The following HS3ST4 variants were observed in gnomAD, a reference collection of about 807,000 sequenced individuals.
The protein encoded by HS3ST4 is heparan sulfate-glucosamine 3-sulfotransferase 4, also known as heparan sulfate glucosamine 3-O-sulfotransferase 4.
A neutral mutation model predicts 29.2 loss-of-function variants in HS3ST4; 17 were observed. That is an observed-to-expected ratio of 0.58 (90% confidence interval 0.40 to 0.87). The LOEUF (loss-of-function observed/expected upper bound fraction) is 0.87. Ranked by LOEUF, HS3ST4 falls within the 40% of genes least tolerant of loss-of-function variation. The pLI, the probability that HS3ST4 is intolerant of heterozygous loss-of-function variation, is 0.00. For synonymous variants in HS3ST4, 314 were observed against 285.7 expected, an observed-to-expected ratio of 1.10 and a Z score of -1.00; for missense variants, 627 against 634.5, an observed-to-expected ratio of 0.99 and a Z score of 0.13.
intron 1 of HS3ST4, among the ~76,000 whole-genome samples, chr16:25,746,052 G>T (rs1462011446): frequency 6.6e-6 from 1 of 152,126 alleles, no homozygotes; most frequent in Non-Finnish European, 1.5e-5. Flanking sequence ...TTCTCCCATT[G>T]TGCATCAAGT....
At chr16:26,013,136 C>A (rs979274432) in intron 1 of HS3ST4, among the ~76,000 whole-genome samples, 3 of 152,042 alleles carry the variant, frequency 2.0e-5, no homozygotes, top group Admixed American at 6.6e-5. Context: ...TGTACTCTAG[C>A]CTGGTGACAG....
intron 1 of HS3ST4, among the ~76,000 whole-genome samples, chr16:25,987,149 G>A (rs1268543228): frequency 6.6e-6 from 1 of 151,918 alleles, no homozygotes; most frequent in African/African-American, 2.4e-5. Context: ...TCGGGAGTTC[G>A]AAACCAGCCT....
intron 1 of HS3ST4, among the ~76,000 whole-genome samples, chr16:25,900,876 AG>A (rs2141673264): frequency 6.6e-6 from 1 of 152,272 alleles, no homozygotes; most frequent in East Asian, 1.9e-4. Flanking sequence ...ATTTTAATGT[AG>A]TCCTAGATTA....
At chr16:25,747,498 A>G (rs1275108857) in intron 1 of HS3ST4, among the ~76,000 whole-genome samples, 1 of 152,218 alleles carries the variant, frequency 6.6e-6, no homozygotes, top group African/African-American at 2.4e-5. Flanking sequence ...TTCAGAACCA[A>G]GAAGTAACAG....
intron 1 of HS3ST4, among the ~76,000 whole-genome samples, chr16:25,952,175 CAT>C (rs1432918583): frequency 6.6e-6 from 1 of 152,118 alleles, no homozygotes; most frequent in East Asian, 1.9e-4. Context: ...CAGCATGAGT[CAT>C]AAAGCTGGAA....
intron 1 of HS3ST4, among the ~76,000 whole-genome samples, chr16:25,759,546 C>T (rs953865628): frequency 2.0e-5 from 3 of 152,098 alleles, no homozygotes; most frequent in Admixed American, 2.0e-4. Flanking sequence ...TTGACCCCAT[C>T]AGGAGGTCCG....
chr16:25,791,830 A>AG, intron 1 of HS3ST4, among the ~76,000 whole-genome samples: 1 of 152,044 alleles, frequency 6.6e-6, no homozygotes, highest in East Asian at 1.9e-4. Flanking sequence ...AATGACAGTT[A>AG]TACTTTTTCC....
chr16:25,870,924 T>C (rs996220631), intron 1 of HS3ST4, among the ~76,000 whole-genome samples: 8 of 152,134 alleles, frequency 5.3e-5, no homozygotes, highest in Non-Finnish European at 1.2e-4. Context: ...TTCCAATCTA[T>C]CCTGATCCAC....
At chr16:26,120,907 T>A (rs1296000281) in intron 1 of HS3ST4, among the ~76,000 whole-genome samples, 1 of 152,206 alleles carries the variant, frequency 6.6e-6, no homozygotes, top group Non-Finnish European at 1.5e-5. Context: ...TCTCTGAGAA[T>A]ACACAATGAA....
intron 1 of HS3ST4, among the ~76,000 whole-genome samples, chr16:25,983,920 C>T (rs370586961): frequency 1.3e-5 from 2 of 151,490 alleles, no homozygotes; most frequent in African/African-American, 4.9e-5. Flanking sequence ...GTGTGTGTGT[C>T]TATTTCAGTT....
chr16:25,928,248 C>A (rs1380486145), intron 1 of HS3ST4, among the ~76,000 whole-genome samples: 1 of 151,284 alleles, frequency 6.6e-6, no homozygotes, highest in East Asian at 1.9e-4. Context: ...GCCTGTAGTT[C>A]CAGCTACTTG....
chr16:26,089,581 A>G (rs1898829161), intron 1 of HS3ST4, among the ~76,000 whole-genome samples: 1 of 152,238 alleles, frequency 6.6e-6, no homozygotes, highest in South Asian at 2.1e-4. Context: ...TCTTCATGCC[A>G]GGATTTGCTC....
chr16:25,852,412 A>C (rs1232579566), intron 1 of HS3ST4, among the ~76,000 whole-genome samples: 1 of 152,128 alleles, frequency 6.6e-6, no homozygotes, highest in Admixed American at 6.6e-5. Flanking sequence ...TCACCTAGGT[A>C]TTAAGTCCAG....
At chr16:25,901,480 G>A (rs546267294) in intron 1 of HS3ST4, among the ~76,000 whole-genome samples, 4 of 152,266 alleles carry the variant, frequency 2.6e-5, no homozygotes, top group Admixed American at 2.6e-4. Context: ...AGACCAGCCT[G>A]GCCAACATGG....
intron 1 of HS3ST4, among the ~76,000 whole-genome samples, chr16:25,935,610 T>C (rs1356159698): frequency 6.6e-6 from 1 of 152,210 alleles, no homozygotes; most frequent in East Asian, 1.9e-4. Flanking sequence ...CTGAGTCATA[T>C]GCAGTTAAGG....
intron 1 of HS3ST4, among the ~76,000 whole-genome samples, chr16:25,785,249 A>ATGTGTGTT (rs1966856340): frequency 6.6e-6 from 1 of 152,254 alleles, no homozygotes; most frequent in Non-Finnish European, 1.5e-5. Flanking sequence ...CATGTGTGTT[A>ATGTGTGTT]ACACAATATC....
At chr16:26,007,636 C>A (rs992680350) in intron 1 of HS3ST4, among the ~76,000 whole-genome samples, 3 of 152,222 alleles carry the variant, frequency 2.0e-5, no homozygotes, top group African/African-American at 7.2e-5. Context: ...TGCACAGGCT[C>A]ACAAGATGAG....
At chr16:25,921,511 G>A (rs1968353620) in intron 1 of HS3ST4, among the ~76,000 whole-genome samples, 1 of 152,164 alleles carries the variant, frequency 6.6e-6, no homozygotes, top group East Asian at 1.9e-4. Flanking sequence ...TTACTAGGAG[G>A]GGAGAATGGT....
At chr16:25,696,526 T>C (rs189355821) in intron 1 of HS3ST4, among the ~76,000 whole-genome samples, 1 of 151,690 alleles carries the variant, frequency 6.6e-6, no homozygotes, top group African/African-American at 2.4e-5. Flanking sequence ...TGAGATGAAG[T>C]CTTGCTCTGT....
Sources: allele counts gnomAD v4.1 joint callset (sites outside exome capture counted in the v4.1 genomes callset), GRCh38; gene constraint gnomAD v4.1.1; transcripts MANE v1.5; gene names NCBI Gene and HGNC (gene_info 2026-07-23, HGNC 2026-07-21).